CHD4: variants seen among roughly 807,000 people sequenced by gnomAD.
CHD4 encodes the protein ATP-dependent chromatin remodeler CHD4.
In CHD4, 35 loss-of-function variants were observed where a neutral mutation model predicts 235.5. The ratio of observed to expected loss-of-function variants is 0.15; its 90% CI spans 0.11 to 0.20. The LOEUF is 0.20. Ranked by LOEUF, CHD4 falls within the 10% of genes least tolerant of loss-of-function variation. The probability of loss-of-function intolerance (pLI) is 1.00; values close to 1 mark genes in which losing one functional copy is unlikely to be tolerated. For synonymous variants in CHD4, 900 were observed against 850.2 expected (o/e 1.06, Z -1.02); for missense variants, 1,329 against 2,432.3 (o/e 0.55, Z 9.54).
chr12:6,604,482 T>TC (rs1221126003), intron 2 of CHD4, among the ~76,000 whole-genome samples: 1 of 151,634 alleles, frequency 6.6e-6, no homozygotes, highest in Non-Finnish European at 1.5e-5. Context: ...CCCCTCCCAT[T>TC]CCCCCTTGGG....
intron 25 of CHD4, among the ~76,000 whole-genome samples, chr12:6,585,596 A>G (rs1226177389): frequency 6.6e-6 from 1 of 151,482 alleles, no homozygotes; most frequent in Non-Finnish European, 1.5e-5. Context: ...TCTAATCTTT[A>G]AAAAAACATG....
rs1304779069 is a variant in CHD4 at position 6,570,913 on chromosome 12, G to T, written c.5677C>A (p.Leu1893Ile). The T allele has an allele frequency of 6.2e-7, 1 of 1,614,216 alleles. No homozygotes were observed. Among genetic ancestry groups the T allele is most frequent in the South Asian group, 1.1e-5 (1 of 91,076 alleles). The stretch of plus-strand genomic sequence containing the variant: ...GGTGCCCGGTTTGCCAGGCGGCTGA[G>T]AATGTTACGCTCTGACATCTGTAAC... ...VRLQMSERNI[L>I]SRLANRAPEP... The change falls in exon 39 of 40, where the codon CTC (leucine) becomes ATC (isoleucine). Residue 1893 changes from leucine (L) to isoleucine (I), a missense_variant. Around this residue, in one of 26 missense-constraint regions of CHD4, gnomAD observed 135 missense variants for 282.3 expected, o/e 0.48. Coordinates refer to ENST00000544040, the MANE Select transcript of CHD4 (RefSeq NM_001273.5).
intron 13 of CHD4, among the ~76,000 whole-genome samples, 165 bp downstream of exon 13, chr12:6,595,841 C>G (rs1438264997): frequency 1.3e-5 from 2 of 151,262 alleles, no homozygotes; most frequent in Non-Finnish European, 2.9e-5. Flanking sequence ...GCAAATAATC[C>G]CAGCTACTCA....
Position 6,596,152 on chromosome 12 carries a change from G to A in CHD4, c.1893-15C>T. On this transcript the variant is annotated splice_polypyrimidine_tract_variant and intron_variant, in intron 12 of 39. Coordinates refer to ENST00000544040, the MANE Select transcript of CHD4 (RefSeq NM_001273.5). ...TCTTGTCCACACTGCAAGTCCAGGAGAGAAAACCCTCAGAGCCAGAAAAGG... is the reference window on the plus strand; with the variant it reads ...TCTTGTCCACACTGCAAGTCCAGGAAAGAAAACCCTCAGAGCCAGAAAAGG... The A allele has an allele frequency of 1.2e-6, 2 of 1,609,968 alleles. No individual in the cohort carries two copies. Among genetic ancestry groups the A allele is most frequent in the Non-Finnish European group, 1.7e-6 (2 of 1,178,782 alleles).
chr12:6,593,180 T>C lies in CHD4; in HGVS notation c.2563A>G (p.Ile855Val). ...FHVLLTSYEL[I>V]TIDMAILGSI... Reference sequence around the variant, plus strand: ...CCCAAAATAGCCATGTCAATGGTGATCAATTCATAGGATGTCAGCAGCACA... The same window carrying C: ...CCCAAAATAGCCATGTCAATGGTGACCAATTCATAGGATGTCAGCAGCACA... Residue 855 changes from isoleucine to valine, a missense_variant, in exon 17 of 40, where the codon ATC becomes GTC. This residue lies in a region of CHD4 where 78 missense variants were observed against 174.8 expected (regional missense o/e 0.45). Transcript: ENST00000544040. This position sits in a 1 kb window ranked among gnomAD's most constrained non-coding sequence, Gnocchi z 4.9. 5.0e-6 allele frequency: 8 copies of C among 1,614,188 alleles called. No individual in the cohort carries two copies. In the South Asian group the frequency reaches 8.8e-5, roughly 18 times the overall value.
chr12:6,585,873 G>C (rs572163642), intron 25 of CHD4, among the ~76,000 whole-genome samples: 1 of 151,628 alleles, frequency 6.6e-6, no homozygotes, highest in Non-Finnish European at 1.5e-5. Context: ...CGAGGCAGGC[G>C]GATCACTTGA....
intron 33 of CHD4, chr12:6,580,704 G>GAAGAAAAAAAAAAAAAAAAA (rs1948166345): frequency 2.3e-5 from 1 of 43,314 alleles, no homozygotes; most frequent in Non-Finnish European, 4.1e-5. Context: ...AAACTCCTTT[G>GAAGAAAAAAAAAAAAAAAAA]AAAAAAAAAA....
intron 30 of CHD4, 116 bp from the exon 31 acceptor site, chr12:6,581,930 G>A (rs555640208): frequency 6.8e-6 from 9 of 1,322,052 alleles, no homozygotes; most frequent in Non-Finnish European, 9.1e-6. Flanking sequence ...AGCCTTCTGA[G>A]TAGCTGGGAA....
chr12:6,591,378 A>G (rs1045766211), intron 22 of CHD4, 88 bp downstream of exon 22: 1 of 1,014,752 alleles, frequency 9.9e-7, no homozygotes. Context: ...CAAAAGAACT[A>G]CACAGAAAAG....
At chr12:6,607,253 G>C (rs1196413990) in intron 1 of CHD4, 47 bp downstream of exon 1, 1 of 152,062 alleles carries the variant, frequency 6.6e-6, no homozygotes, top group East Asian at 1.9e-4. Context: ...CTCGGGGCTG[G>C]TAGGGCCGTG....
At chr12:6,601,788 G>A (rs1175998583) in intron 4 of CHD4, 22 bp from the exon 5 acceptor site, 17 of 1,602,604 alleles carry the variant, frequency 1.1e-5, no homozygotes, top group Non-Finnish European at 1.5e-5. Context: ...GCAAAGTCAA[G>A]TAAGTACCTG....
At chr12:6,576,463 C>T (rs987267497) in intron 37 of CHD4, among the ~76,000 whole-genome samples, 14 of 152,148 alleles carry the variant, frequency 9.2e-5, no homozygotes, top group African/African-American at 2.9e-4. Context: ...TACAGGTGCA[C>T]GCCACCAGAA....
intron 22 of CHD4, chr12:6,590,234 A>G (rs1346122369): frequency 2.6e-5 from 4 of 152,212 alleles, no homozygotes; most frequent in African/African-American, 9.7e-5. Context: ...TAAGAAAATA[A>G]AGAAATGTCA....
intron 7 of CHD4, 40 bp downstream of exon 7, chr12:6,600,886 G>A (rs779819284): frequency 1.3e-6 from 2 of 1,537,754 alleles, no homozygotes; most frequent in African/African-American, 1.4e-5. Flanking sequence ...CTTTCTATTA[G>A]ACATGGCACC....
chr12:6,597,937 T>C lies in CHD4; in HGVS notation c.1849A>G (p.Ile617Val), dbSNP rs905528569. The change falls in exon 12 of 40, where the codon ATA becomes GTA. Residue 617 changes from isoleucine (I) to valine (V), a missense_variant. Transcript: ENST00000544040. ...EMEERFYRYGIKPEWMMIHRI... is the reference protein window; with the variant it reads ...EMEERFYRYGVKPEWMMIHRI... ...TGGATCATCATCCACTCGGGTTTTA[T>C]CCCATAGCGATAGAAGCGTTCCTCC... The C allele has an allele frequency of 1.9e-6, 3 of 1,614,206 alleles. No homozygotes were observed. The highest frequency in any genetic ancestry group is 2.5e-6 in the Non-Finnish European group (3 of 1,180,040).
At chr12:6,599,645 T>A (rs1205359457) in intron 10 of CHD4, 128 bp downstream of exon 10, 2 of 1,156,306 alleles carry the variant, frequency 1.7e-6, no homozygotes, top group Non-Finnish European at 2.5e-6. Context: ...CACTATAGGA[T>A]GAAGGAGAAT....
chr12:6,591,018 G>A (rs1184377443), intron 22 of CHD4, among the ~76,000 whole-genome samples: 1 of 151,286 alleles, frequency 6.6e-6, no homozygotes, highest in Admixed American at 6.6e-5. Context: ...AGCTACTTGG[G>A]AGGCTGAGGC....
Position 6,593,586 on chromosome 12 carries a change from C to T in CHD4, c.2344G>A (p.Ala782Thr), listed in dbSNP as rs1355877221. 1.9e-6 allele frequency: 3 copies of T among 1,614,118 alleles called. No individual in the cohort carries two copies. The highest frequency in any genetic ancestry group is 2.2e-5 in the East Asian group (1 of 44,874). ...CAGTTGATGATGGTAGAAAGAGGGG[C>T]GCTCACTAGGAAGGGGCCTTTGGAA... ...GHSKGPFLVSAPLSTIINWER... is the reference protein window; with the variant it reads ...GHSKGPFLVSTPLSTIINWER... The change falls in exon 16 of 40, where the codon GCC (alanine) becomes ACC (threonine). Residue 782 changes from alanine to threonine, a missense_variant. Ala to Thr is a moderately conservative substitution (Grantham distance 58). Around this residue, in one of 26 missense-constraint regions of CHD4, gnomAD observed 78 missense variants for 174.8 expected, o/e 0.45. Coordinates refer to ENST00000544040, the MANE Select transcript of CHD4 (RefSeq NM_001273.5). The surrounding 1 kb of genome is among the most constrained non-coding windows in gnomAD (Gnocchi z 4.9).
chr12:6,584,831 T>C (rs902845995), intron 25 of CHD4: 3 of 152,260 alleles, frequency 2.0e-5, no homozygotes, highest in African/African-American at 7.2e-5. Context: ...CCACTTAGCA[T>C]GTGCTCTCCC....
Sources: allele counts gnomAD v4.1 joint callset (sites outside exome capture counted in the v4.1 genomes callset), GRCh38; gene constraint gnomAD v4.1.1; regional missense constraint gnomAD v4.1.1; non-coding constraint Gnocchi (gnomAD v3.1); transcripts MANE v1.5; gene names NCBI Gene and HGNC (gene_info 2026-07-23, HGNC 2026-07-21).